The following SLCO5A1 variants were observed in gnomAD, a reference collection of about 807,000 sequenced individuals.
SLCO5A1 encodes the protein solute carrier organic anion transporter family member 5A1.
Under a neutral mutation model 65.1 loss-of-function variants are expected in SLCO5A1, and 39 were observed. The observed-to-expected ratio is 0.60, with a 90% CI of 0.46 to 0.78. The LOEUF is 0.78. SLCO5A1 is among the 30% of genes least tolerant of loss of function. The pLI, the probability that SLCO5A1 is intolerant of heterozygous loss-of-function variation, is 0.00. For synonymous variants in SLCO5A1, 438 were observed against 415.7 expected, an observed-to-expected ratio of 1.05 and a Z score of -0.65; for missense variants, 1,029 against 1,069.4, an observed-to-expected ratio of 0.96 and a Z score of 0.53.
chr8:69,749,408 A>G (rs1223607337), intron 4 of SLCO5A1, among the ~76,000 whole-genome samples: 1 of 152,196 alleles, frequency 6.6e-6, no homozygotes, highest in Non-Finnish European at 1.5e-5. Flanking sequence ...ATCTGAGGTC[A>G]GGAGTTCAAG....
rs1465344461 is a variant in SLCO5A1, at chr8:69,676,642, G to A, written c.2056C>T (p.Leu686=). The A allele has an allele frequency of 1.2e-6, 2 of 1,612,404 alleles. No homozygotes were observed. Among genetic ancestry groups the A allele is most frequent in the Non-Finnish European group, 1.7e-6 (2 of 1,179,330 alleles). Residue 686 remains leucine, a synonymous_variant, in exon 9 of 10, where the codon CTG becomes TTG. Transcript: ENST00000260126. ...SVEDEERPFA[L]GMQFVLLRTL... ...CGCAACAAAACAAACTGCATTCCCA[G>A]TGCAAAAGGTCTCTCCTCATCTTCT...
At chr8:69,785,013 AAAG>A (rs1389501819) in intron 2 of SLCO5A1, among the ~76,000 whole-genome samples, 3 of 151,358 alleles carry the variant, frequency 2.0e-5, no homozygotes, top group Admixed American at 1.3e-4. Flanking sequence ...AAAGAAAAGA[AAAG>A]AAAGAAAGGG....
chr8:69,724,606 A>G (rs756941644), intron 5 of SLCO5A1, among the ~76,000 whole-genome samples: 1 of 152,336 alleles, frequency 6.6e-6, no homozygotes, highest in Non-Finnish European at 1.5e-5. Flanking sequence ...GCTGAGGTCC[A>G]TTGTGAGACG....
chr8:69,797,764 C>T (rs536993183), intron 2 of SLCO5A1, among the ~76,000 whole-genome samples: 2 of 152,350 alleles, frequency 1.3e-5, no homozygotes, highest in Admixed American at 6.5e-5. Flanking sequence ...CTCTCAAACC[C>T]TGTCTCCTGA....
At chr8:69,730,771 C>G (rs1159379811) in intron 5 of SLCO5A1, among the ~76,000 whole-genome samples, 4 of 152,146 alleles carry the variant, frequency 2.6e-5, no homozygotes, top group Non-Finnish European at 5.9e-5. Flanking sequence ...TCTCTAAAAT[C>G]TTAGATTAAA....
rs993761991 is a variant in SLCO5A1 at position 69,834,922 on chromosome 8, T to G, written c.-565A>C. ...GGAGGGGGGCACTGAGCTACGGGAA[T>G]AGTTGGGAGCCGCGTGAGGAGGCAG... is the stretch of plus-strand genomic sequence containing the variant. On this transcript the variant is annotated 5_prime_UTR_variant, in exon 1 of 10. Coordinates refer to ENST00000260126, the MANE Select transcript of SLCO5A1 (RefSeq NM_030958.3). The G allele has an allele frequency of 2.0e-5, 3 of 152,510 alleles. No homozygotes were observed. The highest frequency in any genetic ancestry group is 4.4e-5 in the Non-Finnish European group (3 of 68,414). The allele number at this position is 152,510 out of a possible 1,614,324, so 9.4% of individuals were successfully genotyped here. A position where few individuals can be genotyped will look rare whatever the true frequency, so the allele number is the denominator to read the frequency against.
intron 2 of SLCO5A1, among the ~76,000 whole-genome samples, chr8:69,774,419 G>A (rs1255528307): frequency 6.6e-6 from 1 of 152,062 alleles, no homozygotes; most frequent in Non-Finnish European, 1.5e-5. Flanking sequence ...GGGTTTGCTG[G>A]GTCCTCAGAG....
Position 69,778,623 on chromosome 8 carries a change from A to G in SLCO5A1, c.908-16748T>C, listed in dbSNP as rs1253614535. 2.6e-5 allele frequency among the ~76,000 whole-genome samples: 4 copies of G among 152,338 alleles called. No individual in the cohort carries two copies. In the South Asian group the frequency reaches 8.3e-4, roughly 32 times the overall value. On this transcript the variant is annotated intron_variant, in intron 2 of 9. Transcript: ENST00000260126. ...ACATATTAAAATAAGCAAAAAAATTAAACATATCTTTGGGAATTAGTAGTA... is the reference window on the plus strand; with the variant it reads ...ACATATTAAAATAAGCAAAAAAATTGAACATATCTTTGGGAATTAGTAGTA...
At chr8:69,716,417 G>A (rs547964224) in intron 5 of SLCO5A1, among the ~76,000 whole-genome samples, 1 of 152,294 alleles carries the variant, frequency 6.6e-6, no homozygotes, top group East Asian at 1.9e-4. Context: ...CAAAGTGGCT[G>A]CACCATTTCA....
intron 2 of SLCO5A1, among the ~76,000 whole-genome samples, chr8:69,815,010 G>A (rs1482181378): frequency 1.3e-5 from 2 of 152,158 alleles, no homozygotes; most frequent in East Asian, 1.9e-4. Context: ...CAGAGGTTGC[G>A]GGATGGGGGA....
chr8:69,705,028 T>C lies in SLCO5A1; in HGVS notation c.1622+3A>G. 2 of 1,609,814 alleles carry C rather than the reference T, an allele frequency of 1.2e-6. No individual in the cohort carries two copies. The highest frequency in any genetic ancestry group is 2.2e-5 in the South Asian group (2 of 91,084). On this transcript the variant is annotated splice_donor_region_variant and intron_variant, in intron 6 of 9. Coordinates refer to ENST00000260126, the MANE Select transcript of SLCO5A1 (RefSeq NM_030958.3). ...CACGACACGGCTCTTAAGAGGTACT[T>C]ACCCTGTTGTATAAGGGATGTTTAT...
chr8:69,829,220 G>A (rs1255606505), intron 2 of SLCO5A1, among the ~76,000 whole-genome samples: 4 of 152,140 alleles, frequency 2.6e-5, no homozygotes, highest in Admixed American at 6.6e-5. Context: ...GACCAAAAAT[G>A]TTTTGTCTGA....
intron 2 of SLCO5A1, among the ~76,000 whole-genome samples, chr8:69,816,403 C>A (rs994212797): frequency 6.6e-6 from 1 of 152,174 alleles, no homozygotes; most frequent in African/African-American, 2.4e-5. Flanking sequence ...GAAGAACCTG[C>A]ACCACCTGAG....
At chr8:69,729,446 C>CAAAAAAAAAAAAAAA (rs56392223) in intron 5 of SLCO5A1, among the ~76,000 whole-genome samples, 6 of 80,526 alleles carry the variant, frequency 7.5e-5, no homozygotes, top group Non-Finnish European at 1.1e-4. Flanking sequence ...TCCGTCCCAA[C>CAAAAAAAAAAAAAAA]AAAAAAAAAA....
intron 2 of SLCO5A1, among the ~76,000 whole-genome samples, chr8:69,822,225 C>T (rs1414022946): frequency 6.6e-6 from 1 of 152,198 alleles, no homozygotes; most frequent in East Asian, 1.9e-4. Flanking sequence ...ATACATTCCG[C>T]CACAGTCCAT....
chr8:69,794,202 T>C, intron 2 of SLCO5A1: 1 of 396,662 alleles, frequency 2.5e-6, no homozygotes, highest in East Asian at 6.5e-5. Context: ...GGAAGGAGAC[T>C]GGATGATAGA....
chr8:69,694,423 A>T (rs1814408320), intron 6 of SLCO5A1, among the ~76,000 whole-genome samples: 1 of 152,082 alleles, frequency 6.6e-6, no homozygotes. Flanking sequence ...CTTCACTGCC[A>T]CTCCCTTCAT....
intron 5 of SLCO5A1, among the ~76,000 whole-genome samples, chr8:69,725,669 T>C (rs1320026198): frequency 6.6e-6 from 1 of 152,176 alleles, no homozygotes; most frequent in African/African-American, 2.4e-5. Flanking sequence ...CATTGTCTAA[T>C]TCAAATCCTC....
intron 6 of SLCO5A1, among the ~76,000 whole-genome samples, chr8:69,702,348 T>G (rs1302874752): frequency 6.6e-6 from 1 of 152,206 alleles, no homozygotes; most frequent in Non-Finnish European, 1.5e-5. Flanking sequence ...AGGTTTGGCA[T>G]TAAGCAACCA....
Sources: allele counts gnomAD v4.1 joint callset (sites outside exome capture counted in the v4.1 genomes callset), GRCh38; gene constraint gnomAD v4.1.1; transcripts MANE v1.5; gene names NCBI Gene and HGNC (gene_info 2026-07-23, HGNC 2026-07-21).